Variants in TMPRSS15 observed in about 807,000 individuals in gnomAD.
TMPRSS15 encodes transmembrane serine protease 15, also known as enteropeptidase.
Under a neutral mutation model 125.3 loss-of-function variants are expected in TMPRSS15, and 128 were observed. The observed-to-expected ratio is 1.02, with a 90% CI of 0.89 to 1.18. TMPRSS15 has a LOEUF of 1.18. TMPRSS15 is among the 50% of genes most tolerant of loss of function. TMPRSS15 has a pLI of 0.00. For synonymous variants in TMPRSS15, 446 were observed against 423.2 expected (o/e 1.05, Z -0.66); for missense variants, 1,283 against 1,212.7 (o/e 1.06, Z -0.86).
At chr21:18,325,730 T>A (rs1031572293) in intron 16 of TMPRSS15, among the ~76,000 whole-genome samples, 2 of 151,942 alleles carry the variant, frequency 1.3e-5, no homozygotes, top group African/African-American at 4.8e-5. Flanking sequence ...ATAGTCCAAG[T>A]GAAGTATCAA....
At chr21:18,348,010 C>T (rs1011922638) in intron 10 of TMPRSS15, among the ~76,000 whole-genome samples, 9 of 151,854 alleles carry the variant, frequency 5.9e-5, no homozygotes, top group Non-Finnish European at 1.2e-4. Context: ...ATAATGAGGC[C>T]CCATCTCTAT....
At position 18,419,600 on chromosome 21, in the gene TMPRSS15, G is replaced by T. The variant is rs61173074; in HGVS notation, c.11-21271C>A. Among the ~76,000 whole-genome samples, 306 of 152,214 alleles carry T rather than the reference G, an allele frequency of 2.0e-3. 1 individual carries two copies. The highest frequency in any genetic ancestry group is 7.1e-3 in the African/African-American group (293 of 41,510). On this transcript the variant is annotated intron_variant, in intron 1 of 7. Coordinates refer to the TMPRSS15 transcript ENST00000422787. ...ATACCAAAGACCACCTGGTGTGTGT[G>T]TATGTCCCAAATTGCAATTCTTGCT...
chr21:18,353,154 T>C (rs1012337690), intron 9 of TMPRSS15, 102 bp from the exon 10 acceptor site: 14 of 988,450 alleles, frequency 1.4e-5, no homozygotes, highest in African/African-American at 3.3e-5. Flanking sequence ...CAGCTTATAC[T>C]TCAGTGGTAT....
intron 5 of TMPRSS15, among the ~76,000 whole-genome samples, chr21:18,377,290 T>C (rs920870325): frequency 1.3e-5 from 2 of 152,176 alleles, no homozygotes; most frequent in Non-Finnish European, 2.9e-5. Context: ...CAGATCAAAA[T>C]GAGCATTACC....
chr21:18,383,899 C>T, intron 3 of TMPRSS15, 121 bp from the exon 4 acceptor site: 1 of 1,196,836 alleles, frequency 8.4e-7, no homozygotes, highest in South Asian at 1.3e-5. Flanking sequence ...TCTCATTATA[C>T]CTGTGTAAGG....
chr21:18,441,935 C>T (rs1230757315), intron 1 of TMPRSS15, among the ~76,000 whole-genome samples: 1 of 152,068 alleles, frequency 6.6e-6, no homozygotes, highest in African/African-American at 2.4e-5. Context: ...AAGTGATTTG[C>T]CTGCCTAGGC....
At chr21:18,303,251 A>G (rs1052079649) in intron 18 of TMPRSS15, among the ~76,000 whole-genome samples, 3 of 152,074 alleles carry the variant, frequency 2.0e-5, no homozygotes, top group African/African-American at 7.2e-5. Context: ...ACTTTACTGC[A>G]TATGTTCTTT....
chr21:18,428,933 G>C (rs2076210272), intron 1 of TMPRSS15, among the ~76,000 whole-genome samples: 1 of 152,114 alleles, frequency 6.6e-6, no homozygotes, highest in African/African-American at 2.4e-5. Context: ...CTGTTCACCT[G>C]GAAAAGTTGC....
Position 18,326,442 on chromosome 21 carries a change from C to G in TMPRSS15, c.1911G>C (p.Leu637Phe). 6.2e-7 allele frequency: 1 copy of G among 1,614,108 alleles called. No homozygotes were observed. The highest frequency in any genetic ancestry group is 2.2e-5 in the East Asian group (1 of 44,868). The change falls in exon 16 of 25, where the codon TTG (leucine) becomes TTC (phenylalanine). Residue 637 changes from leucine (L) to phenylalanine (F), a missense_variant. Physicochemically the swap from Leu to Phe is conservative, Grantham distance 22. Transcript: ENST00000284885. ...FKANFTTGYHLGIPEPCKADH... is the reference protein window; with the variant it reads ...FKANFTTGYHFGIPEPCKADH... ...TTTATGGGCTCCTACCTGGAATCCC[C>G]AAGTGATAGCCAGTAGTAAAGTTTG...
chr21:18,446,549 A>G (rs1419181198), intron 1 of TMPRSS15, among the ~76,000 whole-genome samples: 1 of 152,224 alleles, frequency 6.6e-6, no homozygotes, highest in African/African-American at 2.4e-5. Context: ...ACTTTAAAAT[A>G]TACTACAAAG....
chr21:18,483,136 C>T (rs1325656425), intron 1 of TMPRSS15, among the ~76,000 whole-genome samples: 1 of 151,738 alleles, frequency 6.6e-6, no homozygotes, highest in Non-Finnish European at 1.5e-5. Context: ...TCTACATTCC[C>T]TATCATTTTA....
At chr21:18,436,674 T>C (rs2123223041) in intron 1 of TMPRSS15, among the ~76,000 whole-genome samples, 1 of 150,800 alleles carries the variant, frequency 6.6e-6, no homozygotes, top group Admixed American at 6.7e-5. Flanking sequence ...AAATCATGAG[T>C]GAACTCCCAT....
chr21:18,412,082 G>T (rs557292455), intron 1 of TMPRSS15, among the ~76,000 whole-genome samples: 1 of 152,180 alleles, frequency 6.6e-6, no homozygotes, highest in African/African-American at 2.4e-5. Context: ...AATCCCCTGT[G>T]TATCCAGAAT....
At chr21:18,355,910 A>G (rs1438534787) in intron 8 of TMPRSS15, among the ~76,000 whole-genome samples, 1 of 151,862 alleles carries the variant, frequency 6.6e-6, no homozygotes, top group East Asian at 1.9e-4. Context: ...ATATATCATG[A>G]TGTGAGTAAA....
At chr21:18,461,809 C>T (rs2122910595) in intron 1 of TMPRSS15, among the ~76,000 whole-genome samples, 5,092 of 152,110 alleles carry the variant, frequency 0.033, 300 homozygotes, top group African/African-American at 0.12. Context: ...AAGTTATCAA[C>T]GATCTTTGGA....
chr21:18,366,328 C>T (rs767353017), intron 6 of TMPRSS15, among the ~76,000 whole-genome samples: 2 of 152,152 alleles, frequency 1.3e-5, no homozygotes, highest in Non-Finnish European at 2.9e-5. Context: ...AAGCTCATTA[C>T]TCTTGCTCCT....
At chr21:18,431,581 A>AT in intron 1 of TMPRSS15, among the ~76,000 whole-genome samples, 1 of 152,202 alleles carries the variant, frequency 6.6e-6, no homozygotes, top group East Asian at 1.9e-4. Flanking sequence ...TATTGTATAT[A>AT]TTTTTCCTTC....
intron 3 of TMPRSS15, among the ~76,000 whole-genome samples, chr21:18,388,668 C>A (rs902378500): frequency 1.3e-5 from 2 of 152,106 alleles, no homozygotes; most frequent in Admixed American, 1.3e-4. Context: ...TGAATTGATG[C>A]TTTACTGCAG....
At chr21:18,327,963 G>A (rs1171167238) in intron 15 of TMPRSS15, among the ~76,000 whole-genome samples, 1 of 152,082 alleles carries the variant, frequency 6.6e-6, no homozygotes, top group Non-Finnish European at 1.5e-5. Flanking sequence ...TGAGGCAGGA[G>A]GATCGCTTAA....
Sources: allele counts gnomAD v4.1 joint callset (sites outside exome capture counted in the v4.1 genomes callset), GRCh38; gene constraint gnomAD v4.1.1; transcripts MANE v1.5; gene names NCBI Gene and HGNC (gene_info 2026-07-23, HGNC 2026-07-21).